SNX7: variants seen among roughly 807,000 people sequenced by gnomAD.
The protein encoded by SNX7 is sorting nexin-7.
In SNX7, 35 loss-of-function variants were observed where a neutral mutation model predicts 48.4. The ratio of observed to expected loss-of-function variants is 0.72; its 90% CI spans 0.55 to 0.96. The LOEUF (loss-of-function observed/expected upper bound fraction) is 0.96, where lower values mean the gene tolerates loss of function less well. SNX7 is among the 40% of genes least tolerant of loss of function. The pLI, the probability that SNX7 is intolerant of heterozygous loss-of-function variation, is 0.00. For missense variants in SNX7, 553 were observed against 548.9 expected, an observed-to-expected ratio of 1.01 and a Z score of -0.07; for synonymous variants, 190 against 190.2, an observed-to-expected ratio of 1.00 and a Z score of 0.01.
At chr1:98,739,764 A>G (rs2101037269) in intron 8 of SNX7, among the ~76,000 whole-genome samples, 1 of 152,342 alleles carries the variant, frequency 6.6e-6, no homozygotes, top group Non-Finnish European at 1.5e-5. Flanking sequence ...GAACATGTTC[A>G]GATAACTGAG....
intron 1 of SNX7, 73 bp downstream of exon 1, chr1:98,661,984 C>T: frequency 8.1e-7 from 1 of 1,234,952 alleles, no homozygotes; most frequent in Non-Finnish European, 1.0e-6. Context: ...GCGCCGACGG[C>T]TGCCTCTGGC....
intron 8 of SNX7, among the ~76,000 whole-genome samples, chr1:98,757,008 A>G (rs550915492): frequency 1.3e-5 from 2 of 152,138 alleles, no homozygotes; most frequent in East Asian, 3.9e-4. Context: ...CTGAGTTCAC[A>G]GGAGATCTGG....
At position 98,716,583 on chromosome 1, in the gene SNX7, C is replaced by T. The variant is rs141784927; in HGVS notation, c.1125+14680C>T. Among the ~76,000 whole-genome samples the T allele has an allele frequency of 4.5e-4, 68 of 151,938 alleles. No individual in the cohort carries two copies. The Middle Eastern group carries it at 0.01, about 23-fold the overall frequency. ...TACCATGAGTAGGGGGTGATGATGG[C>T]ATAAAAAAAGAAGGTAGTAGTGGAG... is the stretch of plus-strand genomic sequence containing the variant. On this transcript the variant is annotated intron_variant, in intron 7 of 8. Transcript: ENST00000306121.
In SNX7 at chr1:98,684,886, A is replaced by T; in HGVS notation, c.182A>T (p.Asp61Val). ...DEDDLEVFSK[D>V]ASLMDMNSFS... ...ATTTTTGAATGTTTTATTTCTTAGGATGCCTCATTGATGGACATGAACTCC... is the reference window on the plus strand; with the variant it reads ...ATTTTTGAATGTTTTATTTCTTAGGTTGCCTCATTGATGGACATGAACTCC... The change falls in exon 2 of 9, where the codon GAT (aspartate) becomes GTT (valine). Residue 61 changes from aspartate to valine, a missense_variant and splice_region_variant. Asp to Val is a radical substitution (Grantham distance 152). Transcript: ENST00000306121. 6.7e-7 allele frequency: 1 copy of T among 1,488,014 alleles called. No homozygotes were observed. Among genetic ancestry groups the T allele is most frequent in the Non-Finnish European group, 9.0e-7 (1 of 1,111,712 alleles). 92.2% of individuals were successfully genotyped at this position (1,488,014 alleles called of 1,614,324 possible).
intron 8 of SNX7, among the ~76,000 whole-genome samples, chr1:98,757,878 AT>A (rs1378678907): frequency 6.6e-6 from 1 of 152,042 alleles, no homozygotes; most frequent in Non-Finnish European, 1.5e-5. Flanking sequence ...ACATGCAGAG[AT>A]TTATGGGATC....
At chr1:98,696,546 G>C (rs74110438) in intron 5 of SNX7, among the ~76,000 whole-genome samples, 1,724 of 151,836 alleles carry the variant, frequency 0.011, 26 homozygotes, top group African/African-American at 0.039. Context: ...GTAGGAAAAG[G>C]TGCTTTATTA....
chr1:98,670,961 G>C (rs1649830866), intron 1 of SNX7, among the ~76,000 whole-genome samples: 1 of 151,980 alleles, frequency 6.6e-6, no homozygotes, highest in African/African-American at 2.4e-5. Flanking sequence ...ATGTTAAAAG[G>C]CTCCAGATTT....
chr1:98,663,252 G>GTTTTTTTTTTTTTT lies in SNX7; in HGVS notation c.180+1341_180+1342insTTTTTTTTTTTTTT, dbSNP rs1491348958. On this transcript the variant is annotated intron_variant, in intron 1 of 8. Coordinates refer to ENST00000306121, the MANE Select transcript of SNX7 (RefSeq NM_015976.5). ...ATCAGAATCATCAGGGTTTCTTTCT[G>GTTTTTTTTTTTTTT]GTTTTTTTTTTTTTTTTTTTTTTTT... Among the ~76,000 whole-genome samples the GTTTTTTTTTTTTTT allele has an allele frequency of 1.3e-4, 11 of 83,158 alleles. 2 individuals are homozygous for GTTTTTTTTTTTTTT. The highest frequency in any genetic ancestry group is 4.1e-4 in the South Asian group (1 of 2,448). The allele number at this position is 83,158 out of a possible 152,430, so 54.6% of individuals were successfully genotyped here.
Position 98,760,034 on chromosome 1 carries a change from GGT to G in SNX7, c.1279-15_1279-14del. 6.7e-7 allele frequency: 1 copy of G among 1,486,460 alleles called. No homozygotes were observed. The highest frequency in any genetic ancestry group is 2.3e-5 in the East Asian group (1 of 44,320). The allele number at this position is 1,486,460 out of a possible 1,614,324, so 92.1% of individuals were successfully genotyped here. ...AGTAAACTATTGTTGATTGCCTCAT[GGT>G]GTGTTTCCATTATTCAGTGCCTTGC... is the stretch of plus-strand genomic sequence containing the variant. On this transcript the variant is annotated intron_variant, in intron 8 of 8. Coordinates refer to ENST00000306121, the MANE Select transcript of SNX7 (RefSeq NM_015976.5).
chr1:98,739,246 G>T (rs1201652413), intron 8 of SNX7, among the ~76,000 whole-genome samples: 1 of 152,066 alleles, frequency 6.6e-6, no homozygotes, highest in Non-Finnish European at 1.5e-5. Flanking sequence ...TAGAGCTCAG[G>T]CAGTAATGCT....
Position 98,700,438 on chromosome 1 carries a change from T to C in SNX7, c.1039-1379T>C, listed in dbSNP as rs12032449. Among the ~76,000 whole-genome samples the C allele has an allele frequency of 2.6e-5, 4 of 152,308 alleles. No homozygotes were observed. In the East Asian group the frequency reaches 7.7e-4, roughly 29 times the overall value. ...TTGGTCAAAGAAAGGAAGGGCTTTCTTGACATTAATGGTATTTAAACATTG... is the reference window on the plus strand; with the variant it reads ...TTGGTCAAAGAAAGGAAGGGCTTTCCTGACATTAATGGTATTTAAACATTG... On this transcript the variant is annotated intron_variant, in intron 6 of 8. Coordinates refer to ENST00000306121, the MANE Select transcript of SNX7 (RefSeq NM_015976.5).
At chr1:98,703,543 A>G (rs1040899090) in intron 7 of SNX7, among the ~76,000 whole-genome samples, 1 of 152,082 alleles carries the variant, frequency 6.6e-6, no homozygotes, top group African/African-American at 2.4e-5. Flanking sequence ...GTAGAACTAG[A>G]TGAACTAGTG....
intron 1 of SNX7, among the ~76,000 whole-genome samples, chr1:98,668,496 C>T (rs1649665655): frequency 6.6e-6 from 1 of 152,146 alleles, no homozygotes; most frequent in South Asian, 2.1e-4. Context: ...GAAATCTGGT[C>T]TGAGCTTAGA....
At chr1:98,680,083 A>C (rs1650395152) in intron 1 of SNX7, among the ~76,000 whole-genome samples, 1 of 152,214 alleles carries the variant, frequency 6.6e-6, no homozygotes, top group South Asian at 2.1e-4. Context: ...ACATACAGGC[A>C]TTTCCATACA....
At chr1:98,670,022 AC>A (rs753202066) in intron 1 of SNX7, among the ~76,000 whole-genome samples, 31 of 152,310 alleles carry the variant, frequency 2.0e-4, no homozygotes, top group African/African-American at 6.3e-4. Flanking sequence ...ATTTATAGAG[AC>A]AGTTATTACA....
chr1:98,671,304 T>C (rs1434595632), intron 1 of SNX7, among the ~76,000 whole-genome samples: 2 of 152,166 alleles, frequency 1.3e-5, no homozygotes, highest in Non-Finnish European at 2.9e-5. Flanking sequence ...AACAGAATAT[T>C]TGATTAACTT....
intron 7 of SNX7, among the ~76,000 whole-genome samples, chr1:98,724,654 A>G (rs955199243): frequency 2.6e-5 from 4 of 152,188 alleles, no homozygotes; most frequent in Admixed American, 6.5e-5. Flanking sequence ...AGATTACAAA[A>G]TCAGGGATAA....
In SNX7 at chr1:98,691,966, CTA is replaced by C. The variant is rs1491502092; in HGVS notation, c.639+268_639+269del. On this transcript the variant is annotated intron_variant, in intron 4 of 8. Transcript: ENST00000306121. Reference sequence around the variant, plus strand: ...TCTCTCTCTCTCTCTCTCTCTCTCTCTAATGTTTTTATGTCAGGGTGCTTCTT... The same window carrying C: ...TCTCTCTCTCTCTCTCTCTCTCTCTCATGTTTTTATGTCAGGGTGCTTCTT... Among the ~76,000 whole-genome samples the C allele has an allele frequency of 4.0e-5, 6 of 148,550 alleles. No homozygotes were observed. In the East Asian group the frequency reaches 9.9e-4, roughly 25 times the overall value.
chr1:98,695,794 C>T, intron 5 of SNX7, 78 bp downstream of exon 5: 3 of 1,020,770 alleles, frequency 2.9e-6, no homozygotes, highest in South Asian at 2.8e-5. Context: ...TGTAATATAG[C>T]AACATTCAGT....
Sources: allele counts gnomAD v4.1 joint callset (sites outside exome capture counted in the v4.1 genomes callset), GRCh38; gene constraint gnomAD v4.1.1; transcripts MANE v1.5; gene names NCBI Gene and HGNC (gene_info 2026-07-23, HGNC 2026-07-21).